The following DTWD2 variants were observed in gnomAD, a reference collection of about 807,000 sequenced individuals.
DTWD2 encodes DTW motif tRNA-uridine aminocarboxypropyltransferase 2, also known as tRNA-uridine aminocarboxypropyltransferase 2.
Under a neutral mutation model 31.8 loss-of-function variants are expected in DTWD2, and 39 were observed. The ratio of observed to expected loss-of-function variants is 1.22; its 90% confidence interval spans 0.95 to 1.60. The LOEUF (loss-of-function observed/expected upper bound fraction) is 1.60. Ranked by LOEUF, DTWD2 falls within the 40% of genes most tolerant of loss-of-function variation. The pLI, the probability that DTWD2 is intolerant of heterozygous loss-of-function variation, is 0.00. For synonymous variants in DTWD2, 180 were observed against 142.8 expected (o/e 1.26, Z -1.86); for missense variants, 515 against 381.5 (o/e 1.35, Z -2.92).
At position 118,867,111 on chromosome 5, in the gene DTWD2, T is replaced by C. The variant is rs532591229; in HGVS notation, c.598-18893A>G. 1.4e-4 allele frequency among the ~76,000 whole-genome samples: 21 copies of C among 152,008 alleles called. No homozygotes were observed. In the South Asian group the frequency reaches 4.4e-3, roughly 32 times the overall value. On this transcript the variant is annotated intron_variant, in intron 4 of 5. Transcript: ENST00000510708. Reference sequence around the variant, plus strand: ...TATTCTACTAATCTACAAAAATACATTAAAAACTTACAGTTAAAGAAAACT... The same window carrying C: ...TATTCTACTAATCTACAAAAATACACTAAAAACTTACAGTTAAAGAAAACT...
At chr5:118,933,338 C>CA (rs1197349827) in intron 3 of DTWD2, among the ~76,000 whole-genome samples, 1 of 152,102 alleles carries the variant, frequency 6.6e-6, no homozygotes, top group African/African-American at 2.4e-5. Context: ...ACCCTCATAT[C>CA]AAAACCAAAT....
rs1325478999 is a variant in DTWD2 at position 118,836,167 on chromosome 5, A to T, written c.*4750T>A. 1.3e-5 allele frequency among the ~76,000 whole-genome samples: 2 copies of T among 152,160 alleles called. No homozygotes were observed. Among genetic ancestry groups the T allele is most frequent in the Non-Finnish European group, 2.9e-5 (2 of 68,032 alleles). ...AATTTCTTATTCGAATAATTTTTTT[A>T]AAAAACCTTACATTAAAAAGTTTCT... is the stretch of plus-strand genomic sequence containing the variant. On this transcript the variant is annotated 3_prime_UTR_variant, in exon 6 of 6. Coordinates refer to ENST00000510708, the MANE Select transcript of DTWD2 (RefSeq NM_173666.4).
At chr5:118,846,860 T>A (rs1751865617) in intron 5 of DTWD2, among the ~76,000 whole-genome samples, 1 of 151,194 alleles carries the variant, frequency 6.6e-6, no homozygotes, top group Admixed American at 6.6e-5. Flanking sequence ...TGAATTTTTT[T>A]TCAAAAGCAG....
chr5:118,947,648 G>A (rs150804529), intron 1 of DTWD2, among the ~76,000 whole-genome samples: 4 of 152,138 alleles, frequency 2.6e-5, no homozygotes, highest in African/African-American at 4.8e-5. Flanking sequence ...GACAGCATTC[G>A]AGCGGGAAAA....
At chr5:118,918,774 G>A (rs994700051) in intron 4 of DTWD2, among the ~76,000 whole-genome samples, 8 of 151,278 alleles carry the variant, frequency 5.3e-5, no homozygotes, top group Admixed American at 5.3e-4. Context: ...GATTACTTGA[G>A]CCCAGGGGTT....
At chr5:118,986,414 G>T (rs1755428868) in intron 1 of DTWD2, among the ~76,000 whole-genome samples, 1 of 152,128 alleles carries the variant, frequency 6.6e-6, no homozygotes, top group Admixed American at 6.5e-5. Flanking sequence ...AGATTCTGCT[G>T]AAAAGTTAAA....
At chr5:118,951,603 T>G (rs923657831) in intron 1 of DTWD2, among the ~76,000 whole-genome samples, 2 of 152,164 alleles carry the variant, frequency 1.3e-5, no homozygotes, top group East Asian at 3.8e-4. Flanking sequence ...GGTCAAGCGG[T>G]GTTGCAGAAG....
Position 118,836,124 on chromosome 5 carries a change from C to G in DTWD2, c.*4793G>C, listed in dbSNP as rs1451900780. Among the ~76,000 whole-genome samples the G allele has an allele frequency of 6.6e-6, 1 of 152,064 alleles. No individual in the cohort carries two copies. The highest frequency in any genetic ancestry group is 2.4e-5 in the African/African-American group (1 of 41,412). ...TTAATATACTTCTAAGTAACAATAA[C>G]AGTAAGACATATAGTAAAATTTCTT... On this transcript the variant is annotated 3_prime_UTR_variant, in exon 6 of 6. Transcript: ENST00000510708.
intron 4 of DTWD2, among the ~76,000 whole-genome samples, chr5:118,907,116 A>C (rs1261452445): frequency 6.6e-6 from 1 of 152,222 alleles, no homozygotes; most frequent in Non-Finnish European, 1.5e-5. Flanking sequence ...AACTATGCTT[A>C]AAGGTACTCA....
chr5:118,859,915 C>T (rs1402842303), intron 4 of DTWD2, among the ~76,000 whole-genome samples: 1 of 151,960 alleles, frequency 6.6e-6, no homozygotes, highest in Non-Finnish European at 1.5e-5. Flanking sequence ...CCCAGGAGTT[C>T]AAAACCAGCC....
chr5:118,939,875 G>T (rs945419630), intron 2 of DTWD2, among the ~76,000 whole-genome samples: 1 of 152,150 alleles, frequency 6.6e-6, no homozygotes. Flanking sequence ...ACAGTACTGG[G>T]TTATAACCCA....
intron 1 of DTWD2, among the ~76,000 whole-genome samples, chr5:118,980,285 G>A (rs1191438400): frequency 2.0e-5 from 3 of 152,202 alleles, no homozygotes; most frequent in Non-Finnish European, 2.9e-5. Flanking sequence ...CAAACCCACT[G>A]TGTGCACAGC....
chr5:118,855,432 CTTTA>C (rs1400066485), intron 4 of DTWD2, among the ~76,000 whole-genome samples: 3 of 147,956 alleles, frequency 2.0e-5, no homozygotes, highest in East Asian at 1.9e-4. Context: ...TATTTATTTT[CTTTA>C]TTTAGCCCAT....
At chr5:118,941,875 C>A (rs1375046229) in intron 2 of DTWD2, among the ~76,000 whole-genome samples, 1 of 152,192 alleles carries the variant, frequency 6.6e-6, no homozygotes, top group South Asian at 2.1e-4. Context: ...GCCATTCTAA[C>A]TGGTGTGAGA....
chr5:118,926,431 G>A (rs543211570), intron 4 of DTWD2, among the ~76,000 whole-genome samples: 7 of 152,018 alleles, frequency 4.6e-5, no homozygotes, highest in African/African-American at 9.7e-5. Context: ...CTAAATATTC[G>A]GTACAGTGTA....
At chr5:118,871,549 G>A (rs565702704) in intron 4 of DTWD2, among the ~76,000 whole-genome samples, 4 of 152,290 alleles carry the variant, frequency 2.6e-5, no homozygotes, top group South Asian at 2.1e-4. Context: ...TGAAAATAAC[G>A]TGAATCTCCT....
chr5:118,916,100 G>T (rs961173900), intron 4 of DTWD2, among the ~76,000 whole-genome samples: 3 of 152,198 alleles, frequency 2.0e-5, no homozygotes, highest in Non-Finnish European at 4.4e-5. Flanking sequence ...ATTGGTTGAA[G>T]ATCTGGGCCA....
intron 4 of DTWD2, among the ~76,000 whole-genome samples, chr5:118,851,845 AAAAAAAAAG>A (rs918149155): frequency 6.6e-6 from 1 of 151,928 alleles, no homozygotes; most frequent in Non-Finnish European, 1.5e-5. Context: ...ATAATAAAAA[AAAAAAAAAG>A]AAAAAAGAAA....
intron 1 of DTWD2, among the ~76,000 whole-genome samples, chr5:118,966,279 G>C (rs1024172214): frequency 1.3e-5 from 2 of 152,150 alleles, no homozygotes; most frequent in African/African-American, 4.8e-5. Context: ...AAATGTTCAA[G>C]TTTAAAAAAG....
Sources: gnomAD v4.1 joint callset for allele counts (sites outside exome capture counted in the v4.1 genomes callset) on GRCh38, gnomAD v4.1.1 for gene constraint, MANE v1.5 for transcripts, NCBI Gene and HGNC (gene_info 2026-07-23, HGNC 2026-07-21) for gene names.